LPA: variants seen among roughly 807,000 people sequenced by gnomAD.
The protein encoded by LPA is lipoprotein(a), also known as apolipoprotein(a).
A neutral mutation model predicts 197.9 loss-of-function variants in LPA; 199 were observed. The observed-to-expected ratio is 1.01, with a 90% confidence interval of 0.90 to 1.13. LPA has a LOEUF of 1.13. Among genes scored for constraint, LPA ranks in the 50% most tolerant of loss-of-function variants. LPA has a pLI of 0.00. For missense variants in LPA, 1,853 were observed against 1,785.8 expected, an observed-to-expected ratio of 1.04 and a Z score of -0.68; for synonymous variants, 715 against 639.5, an observed-to-expected ratio of 1.12 and a Z score of -1.78.
chr6:160,555,406 G>A (rs1276043516), intron 30 of LPA, among the ~76,000 whole-genome samples: 1 of 139,518 alleles, frequency 7.2e-6, no homozygotes, highest in African/African-American at 2.7e-5. Context: ...GTCAGGGACA[G>A]ACATAAAAAC....
At chr6:160,590,460 G>A (rs1370664829) in intron 23 of LPA, among the ~76,000 whole-genome samples, 1 of 152,096 alleles carries the variant, frequency 6.6e-6, no homozygotes, top group Non-Finnish European at 1.5e-5. Flanking sequence ...GCTATGTACT[G>A]TTACCTAGAC....
chr6:160,541,027 A>T, intron 35 of LPA, 80 bp downstream of exon 35: 1 of 1,194,944 alleles, frequency 8.4e-7, no homozygotes, highest in African/African-American at 1.5e-5. Context: ...GGAGGGTGGG[A>T]AGAAAGAAGG....
intron 20 of LPA, among the ~76,000 whole-genome samples, chr6:160,596,880 T>A (rs1779143406): frequency 6.6e-6 from 1 of 152,226 alleles, no homozygotes; most frequent in South Asian, 2.1e-4. Flanking sequence ...ATAAATTGTG[T>A]TATATTCTTA....
chr6:160,542,410 A>G (rs895613512), intron 34 of LPA, among the ~76,000 whole-genome samples: 3 of 152,222 alleles, frequency 2.0e-5, no homozygotes, highest in Non-Finnish European at 4.4e-5. Flanking sequence ...AGCATCTTCA[A>G]TATTTTCCAA....
chr6:160,555,506 C>T (rs1403137035), intron 30 of LPA, among the ~76,000 whole-genome samples: 2 of 141,346 alleles, frequency 1.4e-5, no homozygotes, highest in Admixed American at 7.2e-5. Context: ...TCTGTATGAA[C>T]ATATATATAT....
At chr6:160,647,097 G>A (rs1304231579) in intron 2 of LPA, among the ~76,000 whole-genome samples, 1 of 152,198 alleles carries the variant, frequency 6.6e-6, no homozygotes, top group African/African-American at 2.4e-5. Context: ...TCTAGAATGG[G>A]TTCCTGGGCA....
At chr6:160,576,814 T>A (rs1778693261) in intron 28 of LPA, among the ~76,000 whole-genome samples, 1 of 149,798 alleles carries the variant, frequency 6.7e-6, no homozygotes, top group African/African-American at 2.5e-5. Context: ...ATTGCACGAG[T>A]GAAAGATGAC....
chr6:160,595,480 A>G lies in LPA; in HGVS notation c.3343T>C (p.Tyr1115His). The change falls in exon 21 of 39, where the codon TAC becomes CAC. Residue 1115 changes from tyrosine to histidine, a missense_variant. Physicochemically the swap from Tyr to His is moderately conservative, Grantham distance 83 (BLOSUM62 2). Around this residue, in one of 3 missense-constraint regions of LPA, gnomAD observed 1,737 missense variants for 1,504.4 expected, o/e 1.15. Transcript: ENST00000316300. ...NPDAEIRPWC[Y>H]TMDPSVRWEY... is the part of the protein sequence containing the mutation. ...CACCTGACACTGGGATCCATGGTGT[A>G]ACACCAAGGGCGAATCTCAGCATCT... The G allele has an allele frequency of 6.2e-7, 1 of 1,613,862 alleles. No individual in the cohort carries two copies. Among genetic ancestry groups the G allele is most frequent in the South Asian group, 1.1e-5 (1 of 91,064 alleles).
Position 160,595,489 on chromosome 6 carries a change from G to A in LPA, c.3334C>T (p.Pro1112Ser). ...YCRNPDAEIR[P>S]WCYTMDPSVR... ...CTGGGATCCATGGTGTAACACCAAG[G>A]GCGAATCTCAGCATCTGGATTCCTG... The change falls in exon 21 of 39, where the codon CCT becomes TCT. Residue 1112 changes from proline to serine, a missense_variant. By Grantham distance (74) the Pro-to-Ser change is moderately conservative. This residue lies in a region of LPA where 1,737 missense variants were observed against 1,504.4 expected (regional missense o/e 1.15). Coordinates refer to ENST00000316300, the MANE Select transcript of LPA (RefSeq NM_005577.4). 1.9e-6 allele frequency: 3 copies of A among 1,613,842 alleles called. No individual in the cohort carries two copies. Among genetic ancestry groups the A allele is most frequent in the Non-Finnish European group, 2.5e-6 (3 of 1,179,926 alleles).
In LPA at chr6:160,541,147, A is replaced by T; in HGVS notation, c.5554T>A (p.Ser1852Thr). 3.1e-6 allele frequency: 5 copies of T among 1,614,126 alleles called. No individual in the cohort carries two copies. The highest frequency in any genetic ancestry group is 4.2e-6 in the Non-Finnish European group (5 of 1,179,982). The change falls in exon 35 of 39, where the codon TCC becomes ACC. Residue 1852 changes from serine to threonine, a missense_variant. Around this residue, in one of 3 missense-constraint regions of LPA, gnomAD observed 1,737 missense variants for 1,504.4 expected, o/e 1.15. Transcript: ENST00000316300. ...GKHFCGGTLI[S>T]PEWVLTAAHC... ...GCAGCAGTCAGCACCCACTCTGGGG[A>T]TATTAAGGTGCCTCCACAGAAGTGC... is the stretch of plus-strand genomic sequence containing the variant.
intron 2 of LPA, among the ~76,000 whole-genome samples, chr6:160,646,951 C>T (rs1041098831): frequency 2.0e-5 from 3 of 152,206 alleles, no homozygotes; most frequent in Admixed American, 6.5e-5. Flanking sequence ...AAAGGCTCTA[C>T]CTTTCCCATG....
intron 29 of LPA, among the ~76,000 whole-genome samples, chr6:160,556,833 A>G (rs1235901466): frequency 6.6e-6 from 1 of 152,202 alleles, no homozygotes; most frequent in East Asian, 1.9e-4. Context: ...AAGAAGGCAC[A>G]AGAACACCAA....
At chr6:160,583,597 G>A (rs961330445) in intron 26 of LPA, among the ~76,000 whole-genome samples, 2 of 152,102 alleles carry the variant, frequency 1.3e-5, no homozygotes, top group Non-Finnish European at 2.9e-5. Flanking sequence ...TCTTTCCCCA[G>A]TAGCTGTTCT....
chr6:160,654,453 C>T (rs568281666), intron 1 of LPA, among the ~76,000 whole-genome samples: 1 of 151,990 alleles, frequency 6.6e-6, no homozygotes, highest in South Asian at 2.1e-4. Flanking sequence ...CAGACATAAC[C>T]GAGATTAATA....
Position 160,548,506 on chromosome 6 carries a change from A to C in LPA, c.5127T>G (p.Val1709=). The change falls in exon 31 of 39, where the codon GTT becomes GTG. Residue 1709 remains valine (V), a synonymous_variant. Transcript: ENST00000316300. Reference sequence around the variant, plus strand: ...GTTCAGAAGGAGGCCCTAGGCTTGGAACCTGGATGACAGTCGGAGGAGCGA... The same window carrying C: ...GTTCAGAAGGAGGCCCTAGGCTTGGCACCTGGATGACAGTCGGAGGAGCGA... ...TVVAPPTVIQ[V]PSLGPPSEQD... The C allele has an allele frequency of 6.2e-7, 1 of 1,614,064 alleles. No individual in the cohort carries two copies. The highest frequency in any genetic ancestry group is 1.3e-5 in the African/African-American group (1 of 75,028).
chr6:160,540,406 A>G (rs1397691835), intron 35 of LPA, among the ~76,000 whole-genome samples: 1 of 152,164 alleles, frequency 6.6e-6, no homozygotes, highest in Admixed American at 6.5e-5. Flanking sequence ...ATTTGTCCCC[A>G]CCTAAATCTC....
At chr6:160,567,979 G>A (rs1778489848) in intron 28 of LPA, among the ~76,000 whole-genome samples, 2 of 152,186 alleles carry the variant, frequency 1.3e-5, no homozygotes, top group African/African-American at 2.4e-5. Context: ...CCAATAACAG[G>A]CTCTGAAATT....
At chr6:160,653,496 C>A (rs1159872514) in intron 1 of LPA, among the ~76,000 whole-genome samples, 1 of 50,270 alleles carries the variant, frequency 2.0e-5, no homozygotes, top group Non-Finnish European at 3.6e-5. Context: ...AGTTTTAGAA[C>A]TCAATAATGA....
At chr6:160,567,038 A>G (rs1024360463) in intron 28 of LPA, among the ~76,000 whole-genome samples, 2 of 152,204 alleles carry the variant, frequency 1.3e-5, no homozygotes, top group Non-Finnish European at 2.9e-5. Flanking sequence ...CCCACACAAT[A>G]ATAATGGGAG....
Sources: gnomAD v4.1 joint callset for allele counts (sites outside exome capture counted in the v4.1 genomes callset) on GRCh38, gnomAD v4.1.1 for gene constraint, gnomAD v4.1.1 regional missense constraint, MANE v1.5 for transcripts, NCBI Gene and HGNC (gene_info 2026-07-23, HGNC 2026-07-21) for gene names.